Variants in SPATS2 observed in about 807,000 individuals in gnomAD.
SPATS2 encodes the protein spermatogenesis-associated serine-rich protein 2.
Under a neutral mutation model 63.7 loss-of-function variants are expected in SPATS2, and 38 were observed. That is an observed-to-expected ratio of 0.60 (90% confidence interval 0.46 to 0.78). The LOEUF is 0.78. SPATS2 is among the 30% of genes least tolerant of loss of function. The pLI is 0.00. For synonymous variants in SPATS2, 207 were observed against 232.9 expected (o/e 0.89, Z 1.01); for missense variants, 588 against 666.2 (o/e 0.88, Z 1.29).
chr12:49,377,632 G>A (rs1944131688), intron 2 of SPATS2, among the ~76,000 whole-genome samples: 1 of 152,092 alleles, frequency 6.6e-6, no homozygotes, highest in Admixed American at 6.6e-5. Flanking sequence ...CCTGAAATGT[G>A]TATCTACTGA....
chr12:49,435,869 A>G (rs1945272085), intron 2 of SPATS2, among the ~76,000 whole-genome samples: 1 of 150,364 alleles, frequency 6.7e-6, no homozygotes, highest in South Asian at 2.1e-4. Flanking sequence ...GCCTTCAAGC[A>G]TTTGTTTAAC....
At chr12:49,368,177 T>C (rs1487869589) in intron 1 of SPATS2, among the ~76,000 whole-genome samples, 1 of 152,200 alleles carries the variant, frequency 6.6e-6, no homozygotes, top group African/African-American at 2.4e-5. Context: ...CAGTGATATT[T>C]TTCTCATAAT....
intron 2 of SPATS2, among the ~76,000 whole-genome samples, chr12:49,428,186 C>T (rs1465145829): frequency 1.3e-5 from 2 of 151,898 alleles, no homozygotes; most frequent in Admixed American, 6.6e-5. Flanking sequence ...ACCCAGGAGG[C>T]GGAGCTTGCA....
chr12:49,464,587 A>G (rs971773292), intron 3 of SPATS2, among the ~76,000 whole-genome samples: 12 of 148,958 alleles, frequency 8.1e-5, no homozygotes, highest in Non-Finnish European at 1.8e-4. Context: ...AGATCGTGCC[A>G]TTGCACTCCA....
At chr12:49,389,504 A>G (rs1944382183) in intron 2 of SPATS2, 1 of 877,426 alleles carries the variant, frequency 1.1e-6, no homozygotes, top group Non-Finnish European at 2.0e-6. Flanking sequence ...AGAGCAGGAT[A>G]TATCTTTAGA....
intron 2 of SPATS2, among the ~76,000 whole-genome samples, chr12:49,430,457 A>T (rs1425873004): frequency 6.6e-6 from 1 of 152,130 alleles, no homozygotes; most frequent in African/African-American, 2.4e-5. Context: ...AACTGATTAT[A>T]TTATGGAATG....
chr12:49,496,558 C>T (rs1946467153), intron 7 of SPATS2, among the ~76,000 whole-genome samples: 2 of 152,290 alleles, frequency 1.3e-5, no homozygotes, highest in South Asian at 4.1e-4. Context: ...ACAAAGAAGC[C>T]ACAGAGCCAC....
intron 2 of SPATS2, among the ~76,000 whole-genome samples, chr12:49,409,591 A>ATTTT (rs1565707922): frequency 1.6e-5 from 2 of 123,316 alleles, no homozygotes; most frequent in African/African-American, 6.4e-5. Context: ...TGTGCCCAGC[A>ATTTT]ATTTTTTTTT....
intron 7 of SPATS2, among the ~76,000 whole-genome samples, 180 bp downstream of exon 7, chr12:49,495,182 G>T (rs1337410270): frequency 1.3e-5 from 2 of 151,920 alleles, no homozygotes; most frequent in East Asian, 1.9e-4. Flanking sequence ...ATTATCAAAG[G>T]CCTAGAAAAA....
At chr12:49,483,735 G>A (rs1259645015) in intron 3 of SPATS2, among the ~76,000 whole-genome samples, 1 of 152,086 alleles carries the variant, frequency 6.6e-6, no homozygotes, top group East Asian at 1.9e-4. Context: ...TAACTCCTAA[G>A]CTACTTCCAA....
intron 2 of SPATS2, among the ~76,000 whole-genome samples, chr12:49,457,129 G>C (rs1345115155): frequency 6.6e-6 from 1 of 150,904 alleles, no homozygotes; most frequent in African/African-American, 2.4e-5. Context: ...ATTCTTATTT[G>C]AAATATTCAA....
upstream of SPATS2, chr12:49,367,198 C>CGCACCCGT (rs1943911579): frequency 5.3e-6 from 1 of 188,362 alleles, no homozygotes; most frequent in Admixed American, 6.2e-5. Context: ...GCCGCGCTCG[C>CGCACCCGT]GCACCCGTTG....
Position 49,486,073 on chromosome 12 carries a change from A to T in SPATS2, c.105+1404A>T, listed in dbSNP as rs80347251. Among the ~76,000 whole-genome samples the T allele has an allele frequency of 5.7e-3, 867 of 150,964 alleles. 22 individuals are homozygous for T. The East Asian group carries it at 0.076, about 13-fold the overall frequency. ...TGCACCTGGCCTCTCTGTCTTATTTAAAAAAAAATTGTTGACTATGGAGTC... is the reference window on the plus strand; with the variant it reads ...TGCACCTGGCCTCTCTGTCTTATTTTAAAAAAAATTGTTGACTATGGAGTC... On this transcript the variant is annotated intron_variant, in intron 4 of 13. Transcript: ENST00000552918.
intron 3 of SPATS2, 57 bp from the exon 4 acceptor site, chr12:49,484,533 C>G (rs966194871): frequency 4.5e-6 from 7 of 1,554,444 alleles, no homozygotes; most frequent in Non-Finnish European, 6.2e-6. Flanking sequence ...GCCCTTCTGT[C>G]TTAGGGATGG....
chr12:49,381,178 C>G (rs1944213636), intron 2 of SPATS2, among the ~76,000 whole-genome samples: 1 of 152,108 alleles, frequency 6.6e-6, no homozygotes, highest in South Asian at 2.1e-4. Flanking sequence ...GCTTGTTGGC[C>G]ATTCGTATAT....
chr12:49,376,399 G>A (rs1944103426), intron 2 of SPATS2, among the ~76,000 whole-genome samples: 1 of 150,686 alleles, frequency 6.6e-6, no homozygotes, highest in South Asian at 2.1e-4. Context: ...TATCACGCCC[G>A]CCCCTGATTT....
intron 2 of SPATS2, among the ~76,000 whole-genome samples, chr12:49,436,992 G>T (rs1286654290): frequency 6.6e-6 from 1 of 151,758 alleles, no homozygotes; most frequent in Non-Finnish European, 1.5e-5. Context: ...GACTGGGGCG[G>T]CTGGCCGGGC....
chr12:49,450,488 C>T (rs745441446), intron 2 of SPATS2, among the ~76,000 whole-genome samples: 21 of 152,070 alleles, frequency 1.4e-4, no homozygotes, highest in Admixed American at 5.9e-4. Flanking sequence ...TCATGATCCG[C>T]CCGCCTCGGC....
chr12:49,408,961 G>A (rs572487746), intron 2 of SPATS2, among the ~76,000 whole-genome samples: 1 of 152,308 alleles, frequency 6.6e-6, no homozygotes, highest in South Asian at 2.1e-4. Flanking sequence ...GTTGTTGGTT[G>A]CATCCTGTGA....
Sources: allele counts gnomAD v4.1 joint callset (sites outside exome capture counted in the v4.1 genomes callset), GRCh38; gene constraint gnomAD v4.1.1; transcripts MANE v1.5; gene names NCBI Gene and HGNC (gene_info 2026-07-23, HGNC 2026-07-21).